Variants in INO80E observed in about 807,000 individuals in gnomAD.
INO80E encodes INO80 complex subunit E.
INO80E carries 20 observed loss-of-function variants against 27.3 expected under a neutral mutation model. The observed-to-expected ratio is 0.73, with a 90% CI of 0.51 to 1.06. INO80E has a LOEUF of 1.06. Among genes scored for constraint, INO80E ranks in the 50% least tolerant of loss-of-function variants. The pLI, the probability that INO80E is intolerant of heterozygous loss-of-function variation, is 0.00. For missense variants in INO80E, 357 were observed against 322.8 expected (o/e 1.11, Z -0.81); for synonymous variants, 167 against 145.9 (o/e 1.14, Z -1.04).
chr16:30,003,043 G>A lies in INO80E; in HGVS notation c.513+1513G>A, dbSNP rs538517640. On this transcript the variant is annotated intron_variant, in intron 6 of 6. Transcript: ENST00000563197. This position sits in a 1 kb window ranked among gnomAD's most constrained non-coding sequence, Gnocchi z 4.4. The stretch of plus-strand genomic sequence containing the variant: ...CAGTACTGGCCCTGGTTCTTAGCAG[G>A]GGGGTGGCGGGCAGGGTAGGGGGTG... The A allele has an allele frequency of 2.6e-5, 4 of 152,478 alleles. No individual in the cohort carries two copies. Among genetic ancestry groups the A allele is most frequent in the Non-Finnish European group, 5.9e-5 (4 of 68,372 alleles). The allele number at this position is 152,478 out of a possible 1,614,324, so 9.4% of individuals were successfully genotyped here. A position where few individuals can be genotyped will look rare whatever the true frequency, so the allele number is the denominator to read the frequency against.
chr16:30,004,863 C>T (rs1020891301), intron 6 of INO80E, among the ~76,000 whole-genome samples: 2 of 152,132 alleles, frequency 1.3e-5, no homozygotes, highest in African/African-American at 2.4e-5. Context: ...GCAGGTGGCA[C>T]CTCCGGGGCC....
intron 6 of INO80E, chr16:30,002,753 G>C (rs1014617840): frequency 6.6e-6 from 1 of 152,294 alleles, no homozygotes; most frequent in Non-Finnish European, 1.5e-5. Flanking sequence ...GCTAGATAGC[G>C]GCCCGTGAGG....
intron 3 of INO80E, chr16:29,999,689 A>G (rs1402219877): frequency 6.6e-6 from 1 of 152,260 alleles, no homozygotes; most frequent in Non-Finnish European, 1.5e-5. Flanking sequence ...TTTTGACGAA[A>G]TAGGTCAGTG....
At chr16:30,001,720 A>C in intron 6 of INO80E, 190 bp downstream of exon 6, 1 of 574,198 alleles carries the variant, frequency 1.7e-6, no homozygotes, top group Non-Finnish European at 3.1e-6. Flanking sequence ...TCAGGGCAGA[A>C]CCAGCCTTGG....
chr16:30,001,470 C>T lies in INO80E; in HGVS notation c.453C>T (p.Pro151=), dbSNP rs374359168. The T allele has an allele frequency of 1.3e-4, 209 of 1,613,042 alleles. 1 individual carries two copies. Among genetic ancestry groups the T allele is most frequent in the Middle Eastern group, 5.0e-4 (3 of 6,054 alleles). ...CTGACTACCTGGCCCTGCAGCTGCC[C>T]GAGCCCAGTCCCCTGAGGCCCAAGC... ...FPSDYLALQL[P]EPSPLRPKRE... Residue 151 remains proline, a synonymous_variant, in exon 6 of 7, where the codon CCC becomes CCT. Transcript: ENST00000563197.
chr16:30,001,208 A>G lies in INO80E; in HGVS notation c.396+168A>G, dbSNP rs1224176073. 9 of 1,482,636 alleles carry G rather than the reference A, an allele frequency of 6.1e-6. No individual in the cohort carries two copies. The Admixed American group carries it at 7.2e-5, about 12-fold the overall frequency. 91.8% of individuals were successfully genotyped at this position (1,482,636 alleles called of 1,614,324 possible). A position where few individuals can be genotyped will look rare whatever the true frequency, so the allele number is the denominator to read the frequency against. ...TCGGGGCTGCCCCCTTCTCTCTGGT[A>G]TAGGAACGGGGCCAGGCCTGACTGA... On this transcript the variant is annotated intron_variant, in intron 5 of 6. Coordinates refer to ENST00000563197, the MANE Select transcript of INO80E (RefSeq NM_173618.3).
intron 6 of INO80E, chr16:30,002,902 G>T (rs866729962): frequency 6.6e-6 from 1 of 152,356 alleles, no homozygotes; most frequent in Non-Finnish European, 1.5e-5. Flanking sequence ...ATGAGAGGCC[G>T]CATTTGCGGT....
Position 29,996,273 on chromosome 16 carries a change from C to G in INO80E, c.-38C>G. On this transcript the variant is annotated 5_prime_UTR_variant, in exon 1 of 7. Coordinates refer to ENST00000563197, the MANE Select transcript of INO80E (RefSeq NM_173618.3). The stretch of plus-strand genomic sequence containing the variant: ...GCACGGCAGCCACTGCTTGGGGTAG[C>G]GGGAGGGCAGACTCTGGGCGCCACT... 6.4e-7 allele frequency: 1 copy of G among 1,551,820 alleles called. No homozygotes were observed. Among genetic ancestry groups the G allele is most frequent in the Non-Finnish European group, 8.7e-7 (1 of 1,145,560 alleles).
chr16:30,000,215 T>C (rs1407388017), intron 3 of INO80E, among the ~76,000 whole-genome samples: 4 of 151,464 alleles, frequency 2.6e-5, no homozygotes, highest in African/African-American at 7.3e-5. Flanking sequence ...ACCCTGGCCA[T>C]GCGTGGCAGG....
intron 6 of INO80E, among the ~76,000 whole-genome samples, chr16:30,004,981 C>T (rs1005292387): frequency 6.6e-6 from 1 of 152,164 alleles, no homozygotes; most frequent in Non-Finnish European, 1.5e-5. Flanking sequence ...CTTTCCCTCC[C>T]GGTTTCCTGT....
chr16:29,996,793 CT>C lies in INO80E; in HGVS notation c.153-13del, dbSNP rs1247996357. On this transcript the variant is annotated splice_polypyrimidine_tract_variant and intron_variant, in intron 2 of 6. Coordinates refer to ENST00000563197, the MANE Select transcript of INO80E (RefSeq NM_173618.3). ...GCTGGAAAATCACTGTCCGTGTCTC[CT>C]TCCCTCCCCTCAGTTTCCTCCTAGA... The C allele has an allele frequency of 1.9e-6, 3 of 1,613,850 alleles. No homozygotes were observed. Among genetic ancestry groups the C allele is most frequent in the Non-Finnish European group, 2.5e-6 (3 of 1,179,708 alleles).
At chr16:30,001,103 G>A in intron 5 of INO80E, 63 bp downstream of exon 5, 1 of 1,491,416 alleles carries the variant, frequency 6.7e-7, no homozygotes, top group Non-Finnish European at 9.0e-7. Context: ...GGGCAGAAGG[G>A]CTGGGCCTCG....
chr16:30,001,925 T>C, intron 6 of INO80E: 1 of 181,624 alleles, frequency 5.5e-6, no homozygotes, highest in Non-Finnish European at 1.2e-5. Context: ...TGCTACCCTC[T>C]AGGCCTCCTA....
At chr16:29,998,566 T>TTAA (rs1426104175) in intron 3 of INO80E, among the ~76,000 whole-genome samples, 1 of 152,202 alleles carries the variant, frequency 6.6e-6, no homozygotes, top group Non-Finnish European at 1.5e-5. Flanking sequence ...TCCTGACACT[T>TTAA]TTTAGACTGC....
chr16:29,999,911 C>T lies in INO80E; in HGVS notation c.206-847C>T, dbSNP rs1373179574. Among the ~76,000 whole-genome samples the T allele has an allele frequency of 2.0e-5, 3 of 151,992 alleles. No homozygotes were observed. The South Asian group carries it at 6.2e-4, about 32-fold the overall frequency. On this transcript the variant is annotated intron_variant, in intron 3 of 6. Transcript: ENST00000563197. ...TGATTTTGACGTGCTGGTGGCCTGA[C>T]CTGTGTTAGTTGGTGTGGGGAGCAG...
chr16:29,998,668 AAGGT>A (rs2070229954), intron 3 of INO80E, among the ~76,000 whole-genome samples: 1 of 152,224 alleles, frequency 6.6e-6, no homozygotes, highest in East Asian at 1.9e-4. Flanking sequence ...AAAAAGCCCT[AAGGT>A]AGGCATTTGT....
Position 30,005,327 on chromosome 16 carries a change from A to AAACCCCCCCCCCCCCCCCCC in INO80E, c.620_621insAACCCCCCCCCCCCCCCCCC (p.Met208ThrfsTer14). 1 of 397,910 alleles carries AAACCCCCCCCCCCCCCCCCC rather than the reference A, an allele frequency of 2.5e-6. No individual in the cohort carries two copies. The highest frequency in any genetic ancestry group is 3.3e-6 in the Non-Finnish European group (1 of 301,972). The allele number at this position is 397,910 out of a possible 1,614,324, so 24.6% of individuals were successfully genotyped here. On this transcript the variant is annotated frameshift_variant, in exon 7 of 7. Coordinates refer to ENST00000563197, the MANE Select transcript of INO80E (RefSeq NM_173618.3). LOFTEE classifies it high-confidence loss of function. ...ACCCTGACCCCCCTCCCACCCCCTA[A>AAACCCCCCCCCCCCCCCCCC]GATGCCCCCCCCCACGATCCTGAGC...
chr16:30,005,007 C>T (rs2070505531), intron 6 of INO80E, among the ~76,000 whole-genome samples: 1 of 152,138 alleles, frequency 6.6e-6, no homozygotes, highest in African/African-American at 2.4e-5. Context: ...ACCCCCATCC[C>T]CTCATCTCAC....
At chr16:29,999,351 G>A (rs2070260915) in intron 3 of INO80E, 1 of 152,262 alleles carries the variant, frequency 6.6e-6, no homozygotes, top group Non-Finnish European at 1.5e-5. Context: ...GCCAGAGTGG[G>A]TTGCATCTGA....
Sources: allele counts gnomAD v4.1 joint callset (sites outside exome capture counted in the v4.1 genomes callset), GRCh38; gene constraint gnomAD v4.1.1; non-coding constraint Gnocchi (gnomAD v3.1); transcripts MANE v1.5; gene names NCBI Gene and HGNC (gene_info 2026-07-23, HGNC 2026-07-21).